The following ABCC12 variants were observed in gnomAD, a reference collection of about 807,000 sequenced individuals.
The protein encoded by ABCC12 is ATP binding cassette subfamily C member 12, also known as ATP-binding cassette sub-family C member 12.
Under a neutral mutation model 151.1 loss-of-function variants are expected in ABCC12, and 142 were observed. That is an observed-to-expected ratio of 0.94 (90% CI 0.82 to 1.08). The LOEUF is 1.08. ABCC12 is among the 50% of genes least tolerant of loss of function. The pLI is 0.00. For synonymous variants in ABCC12, 645 were observed against 646.4 expected (o/e 1.00, Z 0.03); for missense variants, 1,638 against 1,691.1 (o/e 0.97, Z 0.55).
rs1338044933 is a variant in ABCC12 at position 48,140,774 on chromosome 16, C to T, written c.570G>A (p.Thr190=). The T allele has an allele frequency of 8.1e-6, 13 of 1,613,998 alleles. No individual in the cohort carries two copies. Among genetic ancestry groups the T allele is most frequent in the African/African-American group, 6.7e-5 (5 of 74,880 alleles). Residue 190 remains threonine, a synonymous_variant, in exon 6 of 31, where the codon ACG becomes ACA. Coordinates refer to ENST00000311303, the MANE Select transcript of ABCC12 (RefSeq NM_001393797.1). ...AGAGCGCCACCTTCAACCGGATGGC[C>T]GTGCGGTAGTTGATGGCCCAGGCAA... The part of the protein sequence containing the change: ...WALAWAINYR[T]AIRLKVALST...
chr16:48,152,834 C>T (rs376078066), intron 2 of ABCC12, among the ~76,000 whole-genome samples: 11 of 152,266 alleles, frequency 7.2e-5, no homozygotes, highest in African/African-American at 1.2e-4. Context: ...TCTTCAAAAA[C>T]GTCAATTGCA....
At chr16:48,092,108 G>A (rs537689101) in intron 24 of ABCC12, among the ~76,000 whole-genome samples, 4 of 152,348 alleles carry the variant, frequency 2.6e-5, no homozygotes, top group Non-Finnish European at 4.4e-5. Context: ...CCGAGCCTCC[G>A]GAGGGAAGCT....
At chr16:48,090,086 G>C (rs1293987343) in intron 25 of ABCC12, among the ~76,000 whole-genome samples, 4 of 152,108 alleles carry the variant, frequency 2.6e-5, no homozygotes, top group Non-Finnish European at 5.9e-5. Context: ...CTCTTCAAAG[G>C]CACCTAAATG....
chr16:48,112,713 G>A (rs890487113), intron 15 of ABCC12, among the ~76,000 whole-genome samples: 2 of 152,194 alleles, frequency 1.3e-5, no homozygotes, highest in African/African-American at 4.8e-5. Context: ...AGGTCCTCCT[G>A]TGTTCTAAAA....
rs114453910 is a variant in ABCC12 at position 48,135,302 on chromosome 16, T to G, written c.980-1467A>C. On this transcript the variant is annotated intron_variant, in intron 8 of 30. Transcript: ENST00000311303. ...CCTCAGCGTGGATATTTGGCCTTACTGTGCCAGATAAGCAGGCCACAGTTC... is the reference window on the plus strand; with the variant it reads ...CCTCAGCGTGGATATTTGGCCTTACGGTGCCAGATAAGCAGGCCACAGTTC... 6.0e-3 allele frequency among the ~76,000 whole-genome samples: 919 copies of G among 152,328 alleles called. 14 individuals are homozygous for G. Among genetic ancestry groups the G allele is most frequent in the African/African-American group, 0.021 (882 of 41,562 alleles).
intron 9 of ABCC12, among the ~76,000 whole-genome samples, chr16:48,132,889 A>G (rs1303013784): frequency 6.6e-6 from 1 of 152,202 alleles, no homozygotes; most frequent in African/African-American, 2.4e-5. Context: ...TACAAAACCG[A>G]GGCCAGAGAG....
chr16:48,146,942 G>A (rs74018285), intron 2 of ABCC12, among the ~76,000 whole-genome samples: 5 of 150,956 alleles, frequency 3.3e-5, no homozygotes, highest in Non-Finnish European at 7.4e-5. Flanking sequence ...CACACACACC[G>A]CCATGCGCAT....
chr16:48,105,170 G>A lies in ABCC12; in HGVS notation c.2642C>T (p.Ser881Phe). The change falls in exon 21 of 31, where the codon TCC becomes TTC. Residue 881 changes from serine (S) to phenylalanine (F), a missense_variant. Ser to Phe is a radical substitution (Grantham distance 155). Coordinates refer to ENST00000311303, the MANE Select transcript of ABCC12 (RefSeq NM_001393797.1). ...FVFTKTTLMA[S>F]SSLHDTVFDK... The stretch of plus-strand genomic sequence containing the variant: ...AAACACCGTGTCATGCAGAGAGGAG[G>A]ATGCCATCAGTGTGGTCTTGGTGAA... 2 of 1,614,150 alleles carry A rather than the reference G, an allele frequency of 1.2e-6. No individual in the cohort carries two copies. Among genetic ancestry groups the A allele is most frequent in the Non-Finnish European group, 1.7e-6 (2 of 1,180,030 alleles).
intron 20 of ABCC12, among the ~76,000 whole-genome samples, chr16:48,105,730 C>T (rs543095784): frequency 7.2e-5 from 11 of 152,272 alleles, no homozygotes; most frequent in Middle Eastern, 3.4e-3. Context: ...TCAGGCAACC[C>T]GGACTGGATA....
At chr16:48,102,940 T>C (rs1323982878) in intron 22 of ABCC12, among the ~76,000 whole-genome samples, 1 of 152,182 alleles carries the variant, frequency 6.6e-6, no homozygotes, top group Non-Finnish European at 1.5e-5. Flanking sequence ...CACACCTCTC[T>C]TCTGTTCCCA....
chr16:48,114,649 T>C (rs1963813471), intron 15 of ABCC12, among the ~76,000 whole-genome samples: 1 of 152,074 alleles, frequency 6.6e-6, no homozygotes, highest in African/African-American at 2.4e-5. Context: ...CTGCCCCCCC[T>C]TCCCCCACAC....
Position 48,139,049 on chromosome 16 carries a change from G to A in ABCC12, c.831+114C>T, listed in dbSNP as rs964682300. 5.7e-6 allele frequency: 7 copies of A among 1,220,960 alleles called. No individual in the cohort carries two copies. The Admixed American group carries it at 7.5e-5, about 13-fold the overall frequency. 75.6% of individuals were successfully genotyped at this position (1,220,960 alleles called of 1,614,324 possible). A position where few individuals can be genotyped will look rare whatever the true frequency, so the allele number is the denominator to read the frequency against. ...TGTGCCAAAGGAAGTAAATCTGTGAGTACAAAATGGGGCACAGGCTTCATG... is the reference window on the plus strand; with the variant it reads ...TGTGCCAAAGGAAGTAAATCTGTGAATACAAAATGGGGCACAGGCTTCATG... On this transcript the variant is annotated intron_variant, in intron 7 of 30. Coordinates refer to ENST00000311303, the MANE Select transcript of ABCC12 (RefSeq NM_001393797.1).
intron 24 of ABCC12, among the ~76,000 whole-genome samples, chr16:48,095,280 C>T (rs970896735): frequency 1.3e-5 from 2 of 152,138 alleles, no homozygotes; most frequent in African/African-American, 4.8e-5. Context: ...CTCATTCTCT[C>T]TTGTCTGCCA....
Position 48,121,856 on chromosome 16 carries a change from G to T in ABCC12, c.1588-16C>A. ...GCAGCTGCATCTGGAACAACAAGAC[G>T]GGAGAAGCTTCAGGAGCCAAGCCTT... On this transcript the variant is annotated splice_polypyrimidine_tract_variant and intron_variant, in intron 12 of 30. Transcript: ENST00000311303. 1 of 1,613,788 alleles carries T rather than the reference G, an allele frequency of 6.2e-7. No homozygotes were observed.
At position 48,088,101 on chromosome 16, in the gene ABCC12, G is replaced by A. The variant is rs767514021; in HGVS notation, c.3476-16C>T. 6.2e-7 allele frequency: 1 copy of A among 1,610,822 alleles called. No individual in the cohort carries two copies. The highest frequency in any genetic ancestry group is 1.1e-5 in the South Asian group (1 of 90,766). ...GATGACTTTCCTGGGAACCATAAAA[G>A]TAAGAACAACAAATCAAACATCAGT... On this transcript the variant is annotated splice_polypyrimidine_tract_variant and intron_variant, in intron 26 of 30. Coordinates refer to ENST00000311303, the MANE Select transcript of ABCC12 (RefSeq NM_001393797.1).
chr16:48,086,098 A>G (rs1962585914), intron 28 of ABCC12: 1 of 186,126 alleles, frequency 5.4e-6, no homozygotes, highest in Admixed American at 5.5e-5. Context: ...TGACTTATCC[A>G]GAGTGACAAG....
chr16:48,139,781 A>T (rs1158048191), intron 6 of ABCC12, among the ~76,000 whole-genome samples: 1 of 152,166 alleles, frequency 6.6e-6, no homozygotes, highest in African/African-American at 2.4e-5. Context: ...GTAGAATGGG[A>T]CATTTGTGAT....
chr16:48,085,603 C>G lies in ABCC12; in HGVS notation c.3818G>C (p.Arg1273Pro). Residue 1273 changes from arginine to proline, a missense_variant, in exon 29 of 31, where the codon CGT becomes CCT. Transcript: ENST00000311303. ...QLLCVARALL[R>P]NSKIILLDEA... Reference sequence around the variant, plus strand: ...TCCGTGTTTTCTTACCTTTGAATTACGGAGAAGAGCTCGGGCCACACAAAG... The same window carrying G: ...TCCGTGTTTTCTTACCTTTGAATTAGGGAGAAGAGCTCGGGCCACACAAAG... 6.2e-7 allele frequency: 1 copy of G among 1,613,930 alleles called. No individual in the cohort carries two copies. Among genetic ancestry groups the G allele is most frequent in the Non-Finnish European group, 8.5e-7 (1 of 1,179,892 alleles).
intron 24 of ABCC12, among the ~76,000 whole-genome samples, chr16:48,093,988 A>C (rs1017752286): frequency 3.9e-5 from 6 of 152,224 alleles, no homozygotes; most frequent in Non-Finnish European, 5.9e-5. Context: ...TGCTCAATGA[A>C]GCCACAGAGC....
Sources: allele counts gnomAD v4.1 joint callset (sites outside exome capture counted in the v4.1 genomes callset), GRCh38; gene constraint gnomAD v4.1.1; transcripts MANE v1.5; gene names NCBI Gene and HGNC (gene_info 2026-07-23, HGNC 2026-07-21).